HEATR5A: variants seen among roughly 807,000 people sequenced by gnomAD.
HEATR5A encodes the protein HEAT repeat containing 5A, also known as HEAT repeat-containing protein 5A.
Under a neutral mutation model 218.8 loss-of-function variants are expected in HEATR5A, and 178 were observed. The observed-to-expected ratio is 0.81, with a 90% confidence interval of 0.72 to 0.92. HEATR5A has a LOEUF of 0.92. Ranked by LOEUF, HEATR5A falls within the 40% of genes least tolerant of loss-of-function variation. The pLI is 0.00. For missense variants in HEATR5A, 2,420 were observed against 2,418.9 expected (o/e 1.00, Z -0.01); for synonymous variants, 864 against 871.6 (o/e 0.99, Z 0.15).
intron 25 of HEATR5A, chr14:31,320,163 C>G (rs1011522144): frequency 1.9e-6 from 1 of 515,200 alleles, no homozygotes; most frequent in Non-Finnish European, 3.6e-6. Context: ...TAGCACACCC[C>G]AGCACCAGGA....
intron 21 of HEATR5A, among the ~76,000 whole-genome samples, chr14:31,338,864 G>A (rs1432755333): frequency 6.6e-6 from 1 of 151,958 alleles, no homozygotes; most frequent in Non-Finnish European, 1.5e-5. Context: ...CGTCTGTAAC[G>A]CTAGCACTTT....
At position 31,336,213 on chromosome 14, in the gene HEATR5A, C is replaced by CACACACACACACATATATAT. The variant is rs758047507; in HGVS notation, c.3367+1262_3367+1263insATATATATGTGTGTGTGTGT. On this transcript the variant is annotated intron_variant, in intron 22 of 35. Transcript: ENST00000543095. ...AGGGGGTTATTTTTATATATACATA[C>CACACACACACACATATATAT]ATACATATATATATATATATATATA... Among the ~76,000 whole-genome samples, 3 of 90,740 alleles carry CACACACACACACATATATAT rather than the reference C, an allele frequency of 3.3e-5. 1 individual carries two copies. The highest frequency in any genetic ancestry group is 1.1e-4 in the African/African-American group (3 of 27,574). 59.5% of individuals were successfully genotyped at this position (90,740 alleles called of 152,430 possible). A position where few individuals can be genotyped will look rare whatever the true frequency, so the allele number is the denominator to read the frequency against.
At chr14:31,408,904 A>T (rs2031173231) in intron 1 of HEATR5A, among the ~76,000 whole-genome samples, 1 of 110,964 alleles carries the variant, frequency 9.0e-6, no homozygotes, top group Non-Finnish European at 1.9e-5. Context: ...ATCCCGGCTA[A>T]AACGGTGAAA....
chr14:31,388,922 C>T lies in HEATR5A; in HGVS notation c.856G>A (p.Gly286Arg), dbSNP rs1486687146. 1 of 1,613,738 alleles carries T rather than the reference C, an allele frequency of 6.2e-7. No individual in the cohort carries two copies. The highest frequency in any genetic ancestry group is 8.5e-7 in the Non-Finnish European group (1 of 1,179,788). Residue 286 changes from glycine (G) to arginine (R), a missense_variant, in exon 7 of 36, where the codon GGA becomes AGA. Gly to Arg is a moderately radical substitution (Grantham distance 125). Transcript: ENST00000543095. ...ATATCTCCACTGGCTCGAAGGAATCCTGAACTCCCACGTAGAAACCCTGTT... is the reference window on the plus strand; with the variant it reads ...ATATCTCCACTGGCTCGAAGGAATCTTGAACTCCCACGTAGAAACCCTGTT... ...LGTGFLRGSS[G>R]FLRASGDMLK...
intron 11 of HEATR5A, among the ~76,000 whole-genome samples, chr14:31,375,728 T>C (rs955861373): frequency 2.6e-5 from 4 of 152,124 alleles, no homozygotes; most frequent in Non-Finnish European, 5.9e-5. Flanking sequence ...TAACTTCTGA[T>C]AGCAACTTGT....
intron 6 of HEATR5A, among the ~76,000 whole-genome samples, chr14:31,393,175 T>C (rs1271648037): frequency 1.3e-5 from 2 of 152,148 alleles, no homozygotes; most frequent in Non-Finnish European, 2.9e-5. Flanking sequence ...ATATCGTTTA[T>C]TGGATAACAC....
chr14:31,328,861 C>T lies in HEATR5A; in HGVS notation c.3368-2519G>A, dbSNP rs543739150. Among the ~76,000 whole-genome samples the T allele has an allele frequency of 1.6e-4, 23 of 145,878 alleles. 1 individual carries two copies. Among genetic ancestry groups the T allele is most frequent in the Middle Eastern group, 7.2e-3 (2 of 278 alleles). ...CACCATTGCACTCCAGCCTGGGAGA[C>T]GGAGTGAGACTCTGTCTTGAAAGAA... On this transcript the variant is annotated intron_variant, in intron 22 of 35. Coordinates refer to ENST00000543095, the MANE Select transcript of HEATR5A (RefSeq NM_015473.4).
intron 19 of HEATR5A, among the ~76,000 whole-genome samples, chr14:31,345,534 AATTGTTT>A (rs1321646762): frequency 2.6e-5 from 4 of 152,212 alleles, no homozygotes; most frequent in African/African-American, 9.7e-5. Flanking sequence ...TTTGTTGAAA[AATTGTTT>A]ATTGTTTAAT....
At chr14:31,300,105 C>G (rs1300067222) in intron 33 of HEATR5A, among the ~76,000 whole-genome samples, 2 of 152,030 alleles carry the variant, frequency 1.3e-5, no homozygotes, top group African/African-American at 4.8e-5. Flanking sequence ...CATGCCAGAC[C>G]CTCCATAATC....
rs115919024 is a variant in HEATR5A at position 31,310,731 on chromosome 14, T to C, written c.4442-1549A>G. ...AAGATTTACTTACAGTTGCTATATG[T>C]CTGTCATTCATTTTTCTGTTGTGTA... is the stretch of plus-strand genomic sequence containing the variant. On this transcript the variant is annotated intron_variant, in intron 28 of 35. Coordinates refer to ENST00000543095, the MANE Select transcript of HEATR5A (RefSeq NM_015473.4). 3.4e-3 allele frequency among the ~76,000 whole-genome samples: 525 copies of C among 152,344 alleles called. 7 individuals are homozygous for C. The highest frequency in any genetic ancestry group is 0.012 in the African/African-American group (495 of 41,582).
intron 16 of HEATR5A, among the ~76,000 whole-genome samples, chr14:31,351,358 T>C (rs571720732): frequency 5.9e-5 from 9 of 152,082 alleles, no homozygotes; most frequent in African/African-American, 2.2e-4. Flanking sequence ...CTAGGCATAG[T>C]GGCACATGAC....
Position 31,293,238 on chromosome 14 carries a change from CT to C in HEATR5A, c.*66del. The stretch of plus-strand genomic sequence containing the variant: ...AAGGGCACTTGTGTCTACAATGTCC[CT>C]TTTGTCACCAAAGGCAATGATCAAG... On this transcript the variant is annotated 3_prime_UTR_variant, in exon 36 of 36. Coordinates refer to ENST00000543095, the MANE Select transcript of HEATR5A (RefSeq NM_015473.4). 7.7e-7 allele frequency: 1 copy of C among 1,301,344 alleles called. No individual in the cohort carries two copies. 80.6% of individuals were successfully genotyped at this position (1,301,344 alleles called of 1,614,324 possible).
chr14:31,419,900 G>A (rs895625586), intron 1 of HEATR5A, among the ~76,000 whole-genome samples: 1 of 152,248 alleles, frequency 6.6e-6, no homozygotes, highest in African/African-American at 2.4e-5. Context: ...CAGTTAGAAA[G>A]CAAATATCCA....
chr14:31,390,006 G>A (rs1476898570), intron 6 of HEATR5A, among the ~76,000 whole-genome samples: 1 of 152,104 alleles, frequency 6.6e-6, no homozygotes, highest in African/African-American at 2.4e-5. Flanking sequence ...CTTTAAATAG[G>A]GTATTGGGGT....
chr14:31,321,734 A>T, intron 24 of HEATR5A, 54 bp from the exon 25 acceptor site: 1 of 1,340,064 alleles, frequency 7.5e-7, no homozygotes, highest in Non-Finnish European at 1.0e-6. Context: ...ATATCAAAAA[A>T]ATGTGCTGGA....
chr14:31,326,638 C>A (rs1178849493), intron 22 of HEATR5A, among the ~76,000 whole-genome samples: 4 of 152,022 alleles, frequency 2.6e-5, no homozygotes, highest in Non-Finnish European at 5.9e-5. Context: ...CCAATACTTA[C>A]AAAATTTTTT....
chr14:31,324,271 A>G (rs1387240217), intron 23 of HEATR5A, among the ~76,000 whole-genome samples: 1 of 152,052 alleles, frequency 6.6e-6, no homozygotes, highest in Non-Finnish European at 1.5e-5. Flanking sequence ...GTCTGAAAAT[A>G]TTTTTCTTAG....
Position 31,321,530 on chromosome 14 carries a change from C to G in HEATR5A, c.3938G>C (p.Gly1313Ala), listed in dbSNP as rs1900107836. Residue 1313 changes from glycine to alanine, a missense_variant, in exon 25 of 36, where the codon GGT (glycine) becomes GCT (alanine). By Grantham distance (60) the Gly-to-Ala change is moderately conservative. Transcript: ENST00000543095. ...TTGATACTGTTCCAGAATCACATGA[C>G]CTGGAAACTCTGGTTCTGGAACAGT... ...FATVPEPEFP[G>A]HVILEQYQAN... is the part of the protein sequence containing the mutation. 6.2e-7 allele frequency: 1 copy of G among 1,601,920 alleles called. No homozygotes were observed. Among genetic ancestry groups the G allele is most frequent in the Admixed American group, 1.7e-5 (1 of 58,266 alleles).
chr14:31,409,133 C>T lies in HEATR5A; in HGVS notation c.-74-6084G>A, dbSNP rs552130977. 2.1e-3 allele frequency among the ~76,000 whole-genome samples: 313 copies of T among 147,838 alleles called. 1 individual carries two copies. Among genetic ancestry groups the T allele is most frequent in the African/African-American group, 6.9e-3 (279 of 40,608 alleles). ...CACAATCTTGGCTCACTGCAACCTCCGCCTCCCGGGTTCAAGTGATTTTCC... is the reference window on the plus strand; with the variant it reads ...CACAATCTTGGCTCACTGCAACCTCTGCCTCCCGGGTTCAAGTGATTTTCC... On this transcript the variant is annotated intron_variant, in intron 1 of 35. Transcript: ENST00000543095.
Sources: gnomAD v4.1 joint callset for allele counts (sites outside exome capture counted in the v4.1 genomes callset) on GRCh38, gnomAD v4.1.1 for gene constraint, MANE v1.5 for transcripts, NCBI Gene and HGNC (gene_info 2026-07-23, HGNC 2026-07-21) for gene names.